Variants in GRM4 observed in about 807,000 individuals in gnomAD.
GRM4 encodes the protein metabotropic glutamate receptor 4.
A neutral mutation model predicts 81.7 loss-of-function variants in GRM4; 28 were observed. That is an observed-to-expected ratio of 0.34 (90% CI 0.25 to 0.47). The LOEUF (loss-of-function observed/expected upper bound fraction) is 0.47. Ranked by LOEUF, GRM4 falls within the 20% of genes least tolerant of loss-of-function variation. GRM4 has a pLI of 1.00. For missense variants in GRM4, 948 were observed against 1,290.0 expected (o/e 0.73, Z 4.06); for synonymous variants, 488 against 528.8 (o/e 0.92, Z 1.06).
intron 2 of GRM4, among the ~76,000 whole-genome samples, chr6:34,099,255 GA>G (rs1431443167): frequency 6.6e-6 from 1 of 152,212 alleles, no homozygotes; most frequent in Non-Finnish European, 1.5e-5. Flanking sequence ...GGAGCCAGGG[GA>G]GCTGTGGAGG....
chr6:34,108,351 G>A (rs2451340), intron 2 of GRM4, among the ~76,000 whole-genome samples: 12,534 of 152,294 alleles, frequency 0.082, 978 homozygotes, highest in African/African-American at 0.21. Flanking sequence ...CTTACGCATT[G>A]ATTTATTTAG....
intron 2 of GRM4, chr6:34,102,091 G>T (rs1231060257): frequency 9.1e-6 from 14 of 1,535,412 alleles, no homozygotes; most frequent in African/African-American, 1.4e-5. Flanking sequence ...CGCCATCATG[G>T]GGAAATAGCT....
intron 2 of GRM4, among the ~76,000 whole-genome samples, chr6:34,093,462 C>T (rs1207492623): frequency 5.3e-5 from 8 of 152,232 alleles, no homozygotes; most frequent in Non-Finnish European, 1.0e-4. Flanking sequence ...AAAACACTCA[C>T]GGAGCTTCCT....
chr6:34,044,285 C>CAT (rs1765182668), intron 6 of GRM4, among the ~76,000 whole-genome samples: 1 of 151,308 alleles, frequency 6.6e-6, no homozygotes, highest in African/African-American at 2.4e-5. Flanking sequence ...CATACACACA[C>CAT]ACATAGACAT....
chr6:34,059,221 C>G lies in GRM4; in HGVS notation c.873-93G>C, dbSNP rs1475057234. ...ACTTGCTTTGGGCCCACGTCCCTCA[C>G]CCCCAGAAGCCCAGGGTCCACAACT... On this transcript the variant is annotated intron_variant, in intron 4 of 10. Coordinates refer to ENST00000538487, the MANE Select transcript of GRM4 (RefSeq NM_000841.4). This position sits in a 1 kb window ranked among gnomAD's most constrained non-coding sequence, Gnocchi z 5.7. 4.4e-6 allele frequency: 5 copies of G among 1,127,736 alleles called. No homozygotes were observed. The East Asian group carries it at 1.2e-4, about 27-fold the overall frequency. 69.9% of individuals were successfully genotyped at this position (1,127,736 alleles called of 1,614,324 possible). A position where few individuals can be genotyped will look rare whatever the true frequency, so the allele number is the denominator to read the frequency against.
intron 2 of GRM4, among the ~76,000 whole-genome samples, chr6:34,118,546 T>C (rs1321413256): frequency 2.0e-5 from 3 of 152,208 alleles, no homozygotes; most frequent in East Asian, 1.9e-4. Context: ...CCTGACCGCG[T>C]TGTAGGACTC....
intron 10 of GRM4, among the ~76,000 whole-genome samples, chr6:34,027,771 G>A (rs1764205126): frequency 6.6e-5 from 10 of 152,198 alleles, no homozygotes. Context: ...GGGAAATCCC[G>A]GGGTCCCCGC....
chr6:34,071,045 C>T (rs563199694), intron 3 of GRM4, among the ~76,000 whole-genome samples: 32 of 152,016 alleles, frequency 2.1e-4, no homozygotes, highest in African/African-American at 6.3e-4. Context: ...CCAGTCATCA[C>T]ACAGCCTCGC....
chr6:34,061,867 C>G (rs200584656), intron 4 of GRM4, 26 bp downstream of exon 4: 2 of 1,599,436 alleles, frequency 1.3e-6, no homozygotes, highest in East Asian at 2.2e-5. Context: ...GCTCCCGGTG[C>G]CCACCCTGCT....
chr6:34,057,548 T>G (rs927642079), intron 5 of GRM4, among the ~76,000 whole-genome samples: 2 of 152,200 alleles, frequency 1.3e-5, no homozygotes, highest in Non-Finnish European at 1.5e-5. Context: ...CGTACGATAC[T>G]GAGCAGTACC....
intron 1 of GRM4, among the ~76,000 whole-genome samples, chr6:34,145,172 G>A (rs996518599): frequency 2.6e-5 from 4 of 151,840 alleles, no homozygotes; most frequent in African/African-American, 9.7e-5. Flanking sequence ...ACGGCCGGAG[G>A]CACGGTTCTC....
At chr6:34,142,135 G>A (rs760930634) in intron 1 of GRM4, among the ~76,000 whole-genome samples, 7 of 152,198 alleles carry the variant, frequency 4.6e-5, no homozygotes, top group Non-Finnish European at 7.3e-5. Flanking sequence ...CAGAGAGCTG[G>A]TGTCCAGTGC....
chr6:34,078,798 C>T lies in GRM4; in HGVS notation c.736+13085G>A, dbSNP rs1401023047. 6.6e-6 allele frequency among the ~76,000 whole-genome samples: 1 copy of T among 152,188 alleles called. No individual in the cohort carries two copies. The highest frequency in any genetic ancestry group is 1.5e-5 in the Non-Finnish European group (1 of 68,042). Reference sequence around the variant, plus strand: ...CCTCCCTGGGGCCCCAAGCCGTCTGCAAGAGTCGTTAGCTTTCCTTCTGGC... The same window carrying T: ...CCTCCCTGGGGCCCCAAGCCGTCTGTAAGAGTCGTTAGCTTTCCTTCTGGC... On this transcript the variant is annotated intron_variant, in intron 3 of 10. Transcript: ENST00000538487. This position sits in a 1 kb window ranked among gnomAD's most constrained non-coding sequence, Gnocchi z 4.8.
intron 2 of GRM4, among the ~76,000 whole-genome samples, chr6:34,104,979 T>G (rs1343921846): frequency 6.6e-6 from 1 of 152,110 alleles, no homozygotes; most frequent in East Asian, 1.9e-4. Context: ...CCCCATGTCC[T>G]GATGACCACA....
In GRM4 at chr6:34,154,796, G is replaced by A. The variant is rs576783287; in HGVS notation, c.312+283C>T. Among the ~76,000 whole-genome samples, 8 of 152,342 alleles carry A rather than the reference G, an allele frequency of 5.3e-5. 1 individual carries two copies. The highest frequency in any genetic ancestry group is 1.9e-4 in the African/African-American group (8 of 41,582). ...CCCTTGCGCCGGCCTCCTCAGGATG[G>A]AGGGCCAGTTCAGCCACCCCAGAAA... On this transcript the variant is annotated intron_variant, in intron 1 of 8. Transcript: ENST00000374177.
At position 34,040,723 on chromosome 6, in the gene GRM4, T is replaced by A. The variant is rs772460460; in HGVS notation, c.1194A>T (p.Ser398=). The A allele has an allele frequency of 2.5e-6, 4 of 1,613,966 alleles. No individual in the cohort carries two copies. The South Asian group carries it at 3.3e-5, about 13-fold the overall frequency. ...GCACCTTCCCCTCCTGCTCATAAGC[T>A]GAATCCTGCCCAATTCGCTCACGGT... ...CTNRERIGQD[S]AYEQEGKVQF... is the part of the protein sequence containing the mutation. The change falls in exon 7 of 11, where the codon TCA becomes TCT. Residue 398 remains serine, a synonymous_variant. Transcript: ENST00000538487.
At chr6:34,126,123 G>C (rs1470244485) in intron 2 of GRM4, among the ~76,000 whole-genome samples, 1 of 152,180 alleles carries the variant, frequency 6.6e-6, no homozygotes, top group Non-Finnish European at 1.5e-5. Context: ...CCCACCCCTA[G>C]CTGGTGGTCA....
chr6:34,103,855 G>T, intron 2 of GRM4: 1 of 1,416,326 alleles, frequency 7.1e-7, no homozygotes, highest in South Asian at 1.5e-5. Context: ...CAGGCACTGC[G>T]AGGGTCCCGA....
Position 34,151,527 on chromosome 6 carries a change from G to A in GRM4, c.312+3552C>T, listed in dbSNP as rs78372953. Among the ~76,000 whole-genome samples the A allele has an allele frequency of 5.9e-5, 9 of 152,220 alleles. No homozygotes were observed. The South Asian group carries it at 8.3e-4, about 14-fold the overall frequency. ...AAAAGCCCCTTCCGCCCAAGACCTC[G>A]TGGCCGCCTGCTCCTTCGGCAGAGT... On this transcript the variant is annotated intron_variant, in intron 1 of 8. Coordinates refer to the GRM4 transcript ENST00000374177.
Sources: allele counts gnomAD v4.1 joint callset (sites outside exome capture counted in the v4.1 genomes callset), GRCh38; gene constraint gnomAD v4.1.1; non-coding constraint Gnocchi (gnomAD v3.1); transcripts MANE v1.5; gene names NCBI Gene and HGNC (gene_info 2026-07-23, HGNC 2026-07-21).